The following FRMD6 variants were observed in gnomAD, a reference collection of about 807,000 sequenced individuals.
The protein encoded by FRMD6 is FERM domain-containing protein 6.
Under a neutral mutation model 73.2 loss-of-function variants are expected in FRMD6, and 37 were observed. The observed-to-expected ratio is 0.51, with a 90% CI of 0.39 to 0.66. The LOEUF (loss-of-function observed/expected upper bound fraction) is 0.66, where lower values mean the gene tolerates loss of function less well. Among genes scored for constraint, FRMD6 ranks in the 30% least tolerant of loss-of-function variants. The pLI is 0.00. For synonymous variants in FRMD6, 273 were observed against 282.2 expected (o/e 0.97, Z 0.33); for missense variants, 714 against 780.5 (o/e 0.91, Z 1.02).
intron 1 of FRMD6, among the ~76,000 whole-genome samples, chr14:51,555,845 C>T (rs1176836424): frequency 1.3e-5 from 2 of 150,868 alleles, no homozygotes; most frequent in African/African-American, 2.4e-5. Context: ...AGTAGTGATA[C>T]GTTAAAGAAA....
intron 1 of FRMD6, among the ~76,000 whole-genome samples, chr14:51,533,060 G>T (rs543966160): frequency 6.6e-6 from 1 of 152,262 alleles, no homozygotes; most frequent in African/African-American, 2.4e-5. Context: ...ACCAATAATG[G>T]TCTCTGCCTC....
intron 1 of FRMD6, among the ~76,000 whole-genome samples, chr14:51,501,465 G>A (rs905056219): frequency 4.4e-4 from 67 of 152,026 alleles, no homozygotes; most frequent in African/African-American, 1.5e-3. Context: ...GAGAACATGC[G>A]GTGTTTGGTT....
At chr14:51,463,414 C>T in the FRMD6 span, among the ~76,000 whole-genome samples, 3 of 152,142 alleles carry the variant, frequency 2.0e-5, no homozygotes, top group African/African-American at 7.2e-5. Flanking sequence ...GTACTTGGTG[C>T]ATAGCAAATT....
intron 1 of FRMD6, among the ~76,000 whole-genome samples, chr14:51,521,947 T>G (rs1259359384): frequency 1.3e-5 from 2 of 152,182 alleles, no homozygotes; most frequent in African/African-American, 4.8e-5. Flanking sequence ...TACATATTTA[T>G]GTAACCCTTT....
upstream of FRMD6, chr14:51,649,468 T>C (rs190630913): frequency 6.6e-5 from 10 of 152,322 alleles, no homozygotes; most frequent in Admixed American, 1.3e-4. Flanking sequence ...TGTTTATCTG[T>C]TAGATTTTGA....
intron 1 of FRMD6, among the ~76,000 whole-genome samples, chr14:51,667,744 T>G (rs1417910672): frequency 1.3e-5 from 2 of 152,174 alleles, no homozygotes; most frequent in Non-Finnish European, 2.9e-5. Flanking sequence ...TTTAAGGAAA[T>G]TAAAATCAGG....
At chr14:51,483,962 T>C in the FRMD6 span, among the ~76,000 whole-genome samples, 679 of 152,322 alleles carry the variant, frequency 4.5e-3, 2 homozygotes, top group African/African-American at 0.016. Context: ...CAAAGCCACA[T>C]AGCTGGGGCA....
chr14:51,527,944 C>A (rs991052751), intron 1 of FRMD6, among the ~76,000 whole-genome samples: 1 of 152,134 alleles, frequency 6.6e-6, no homozygotes, highest in African/African-American at 2.4e-5. Flanking sequence ...AGTTTGAGAG[C>A]AACCTGGGCA....
chr14:51,466,022 C>T, the FRMD6 span, among the ~76,000 whole-genome samples: 15 of 152,114 alleles, frequency 9.9e-5, no homozygotes, highest in African/African-American at 3.4e-4. Flanking sequence ...ATTTCACTGT[C>T]GTTTTAATAT....
At chr14:51,563,795 A>G (rs1172379901) in intron 1 of FRMD6, among the ~76,000 whole-genome samples, 2 of 152,242 alleles carry the variant, frequency 1.3e-5, no homozygotes, top group Admixed American at 6.5e-5. Context: ...AATGGCTATG[A>G]AAAATGCTTA....
chr14:51,505,456 A>T (rs1018014462), intron 1 of FRMD6, among the ~76,000 whole-genome samples: 2 of 152,182 alleles, frequency 1.3e-5, no homozygotes, highest in Non-Finnish European at 2.9e-5. Context: ...CTCACATGTC[A>T]GGGACAAGGA....
chr14:51,432,665 A>G, the FRMD6 span, among the ~76,000 whole-genome samples: 1 of 152,224 alleles, frequency 6.6e-6, no homozygotes, highest in Non-Finnish European at 1.5e-5. Flanking sequence ...GGAAACCTAA[A>G]AATAACCGTA....
Position 51,728,251 on chromosome 14 carries a change from C to A in FRMD6, c.*222C>A. On this transcript the variant is annotated 3_prime_UTR_variant, in exon 14 of 14. Transcript: ENST00000344768. ...GAAAATGTACAGCAAGACAAGTGCC[C>A]GGAAGTTCACTGATCCTTCAGAAGG... 1 of 509,612 alleles carries A rather than the reference C, an allele frequency of 2.0e-6. No individual in the cohort carries two copies. The highest frequency in any genetic ancestry group is 3.5e-6 in the Non-Finnish European group (1 of 288,160). The allele number at this position is 509,612 out of a possible 1,614,324, so 31.6% of individuals were successfully genotyped here.
At chr14:51,475,357 T>C in the FRMD6 span, among the ~76,000 whole-genome samples, 1 of 152,216 alleles carries the variant, frequency 6.6e-6, no homozygotes, top group African/African-American at 2.4e-5. Flanking sequence ...AACTGTCCTC[T>C]TTGCCATAGA....
At chr14:51,654,386 A>C (rs1486962485) in intron 1 of FRMD6, among the ~76,000 whole-genome samples, 1 of 150,962 alleles carries the variant, frequency 6.6e-6, no homozygotes, top group Non-Finnish European at 1.5e-5. Context: ...TTCTGAACTT[A>C]TGATGTAATA....
chr14:51,660,967 T>G (rs1893181522), intron 1 of FRMD6, among the ~76,000 whole-genome samples: 1 of 152,128 alleles, frequency 6.6e-6, no homozygotes, highest in Non-Finnish European at 1.5e-5. Context: ...GGTGGAGCAC[T>G]GAGAGCAGGG....
intron 1 of FRMD6, among the ~76,000 whole-genome samples, chr14:51,688,113 C>T (rs550036372): frequency 1.3e-5 from 2 of 151,114 alleles, no homozygotes; most frequent in South Asian, 2.1e-4. Flanking sequence ...GAAAAGCATG[C>T]GTGTTTTTTT....
At chr14:51,551,449 A>T (rs937840555) in intron 1 of FRMD6, among the ~76,000 whole-genome samples, 1 of 152,190 alleles carries the variant, frequency 6.6e-6, no homozygotes, top group South Asian at 2.1e-4. Context: ...TAATTTTTAT[A>T]TATGACCCAG....
chr14:51,413,205 A>G, the FRMD6 span, among the ~76,000 whole-genome samples: 35 of 152,198 alleles, frequency 2.3e-4, no homozygotes, highest in African/African-American at 7.7e-4. Flanking sequence ...ACATGTGCAC[A>G]ACGTGCAGGT....
Sources: allele counts gnomAD v4.1 joint callset (sites outside exome capture counted in the v4.1 genomes callset), GRCh38; gene constraint gnomAD v4.1.1; transcripts MANE v1.5; gene names NCBI Gene and HGNC (gene_info 2026-07-23, HGNC 2026-07-21).